DLG2: variants seen among roughly 807,000 people sequenced by gnomAD.
DLG2 encodes the protein discs large MAGUK scaffold protein 2, also known as disks large homolog 2.
Under a neutral mutation model 132.5 loss-of-function variants are expected in DLG2, and 45 were observed. The observed-to-expected ratio is 0.34, with a 90% CI of 0.27 to 0.44. The LOEUF is 0.44. Among genes scored for constraint, DLG2 ranks in the 20% least tolerant of loss-of-function variants. DLG2 has a pLI of 1.00. For synonymous variants in DLG2, 424 were observed against 419.6 expected (o/e 1.01, Z -0.13); for missense variants, 1,045 against 1,196.9 (o/e 0.87, Z 1.87).
intron 6 of DLG2, among the ~76,000 whole-genome samples, chr11:85,051,078 A>C (rs2062842176): frequency 6.6e-6 from 1 of 152,166 alleles, no homozygotes; most frequent in Non-Finnish European, 1.5e-5. Context: ...CATGCTTCTT[A>C]AACAGGGTAA....
intron 11 of DLG2, among the ~76,000 whole-genome samples, chr11:84,022,670 CT>C (rs2095428371): frequency 6.6e-6 from 1 of 152,060 alleles, no homozygotes; most frequent in South Asian, 2.1e-4. Flanking sequence ...AAGAACGGTT[CT>C]TTTTGAGATA....
At chr11:84,041,177 G>T (rs1170175718) in intron 11 of DLG2, among the ~76,000 whole-genome samples, 2 of 152,036 alleles carry the variant, frequency 1.3e-5, no homozygotes, top group African/African-American at 2.4e-5. Flanking sequence ...CTATATGGAT[G>T]CAATACAATT....
At chr11:84,688,685 T>G (rs905370050) in intron 6 of DLG2, among the ~76,000 whole-genome samples, 4 of 152,146 alleles carry the variant, frequency 2.6e-5, no homozygotes, top group African/African-American at 9.7e-5. Flanking sequence ...TAAATCTGGC[T>G]CTCTCTGCCT....
chr11:84,335,520 A>G (rs957975446), intron 7 of DLG2, among the ~76,000 whole-genome samples: 3 of 152,206 alleles, frequency 2.0e-5, no homozygotes, highest in African/African-American at 7.2e-5. Flanking sequence ...AACTGAGGTG[A>G]CCCTTGTAAA....
At chr11:83,813,793 A>G (rs542170075) in intron 17 of DLG2, among the ~76,000 whole-genome samples, 30 of 152,256 alleles carry the variant, frequency 2.0e-4, no homozygotes, top group Non-Finnish European at 2.1e-4. Context: ...CAACAACAAC[A>G]AAAATAACAG....
intron 3 of DLG2, among the ~76,000 whole-genome samples, chr11:85,519,383 G>T (rs1391339219): frequency 6.6e-6 from 1 of 152,164 alleles, no homozygotes; most frequent in Non-Finnish European, 1.5e-5. Context: ...AGTCAAAGGG[G>T]ATCATTTTGG....
At chr11:83,712,325 A>G (rs975847925) in intron 18 of DLG2, among the ~76,000 whole-genome samples, 35 of 152,292 alleles carry the variant, frequency 2.3e-4, no homozygotes, top group Middle Eastern at 3.4e-3. Flanking sequence ...AATACCATGC[A>G]GTCATAAAAA....
intron 6 of DLG2, among the ~76,000 whole-genome samples, chr11:84,910,773 A>C (rs1321362176): frequency 6.6e-6 from 1 of 151,486 alleles, no homozygotes; most frequent in Non-Finnish European, 1.5e-5. Context: ...AACAACAACA[A>C]CAACAACAAC....
At chr11:84,337,449 CA>C (rs1247950159) in intron 7 of DLG2, among the ~76,000 whole-genome samples, 1 of 152,068 alleles carries the variant, frequency 6.6e-6, no homozygotes, top group African/African-American at 2.4e-5. Context: ...TTAGAGATGA[CA>C]ATTTTTAATA....
intron 3 of DLG2, among the ~76,000 whole-genome samples, chr11:85,342,661 G>A (rs1483324226): frequency 6.6e-6 from 1 of 152,128 alleles, no homozygotes; most frequent in Non-Finnish European, 1.5e-5. Flanking sequence ...GTGCATAATT[G>A]TATGTGCTAG....
chr11:84,957,482 A>G (rs1421026835), intron 6 of DLG2, among the ~76,000 whole-genome samples: 1 of 152,162 alleles, frequency 6.6e-6, no homozygotes, highest in Non-Finnish European at 1.5e-5. Flanking sequence ...CACCTCACAT[A>G]TCTTTACTCT....
chr11:83,658,705 A>G (rs1373627269), intron 18 of DLG2, among the ~76,000 whole-genome samples: 1 of 152,254 alleles, frequency 6.6e-6, no homozygotes, highest in Non-Finnish European at 1.5e-5. Flanking sequence ...ACTTGGAAAA[A>G]TAGCTTATCT....
intron 4 of DLG2, among the ~76,000 whole-genome samples, chr11:85,233,144 T>C (rs1006184940): frequency 1.3e-5 from 2 of 151,952 alleles, no homozygotes; most frequent in Non-Finnish European, 2.9e-5. Context: ...GCATGGGAAT[T>C]CCTTTTGTTC....
intron 8 of DLG2, among the ~76,000 whole-genome samples, chr11:84,190,088 C>T (rs1297063396): frequency 2.0e-5 from 3 of 150,992 alleles, no homozygotes; most frequent in Non-Finnish European, 4.4e-5. Context: ...CCATAGAAGA[C>T]ACATATAGCC....
At chr11:84,313,683 AAGAAAAAG>A (rs1179954205) in intron 7 of DLG2, among the ~76,000 whole-genome samples, 2 of 150,950 alleles carry the variant, frequency 1.3e-5, no homozygotes, top group African/African-American at 4.9e-5. Flanking sequence ...GAAAGAAAGA[AAGAAAAAG>A]AAAGAGGATA....
chr11:85,300,101 G>A (rs1287771021), intron 3 of DLG2, among the ~76,000 whole-genome samples: 1 of 152,092 alleles, frequency 6.6e-6, no homozygotes, highest in African/African-American at 2.4e-5. Context: ...ATAGAGCAGT[G>A]AATAAGACAG....
At chr11:85,205,098 A>G (rs1392769508) in intron 4 of DLG2, among the ~76,000 whole-genome samples, 1 of 150,422 alleles carries the variant, frequency 6.6e-6, no homozygotes, top group Non-Finnish European at 1.5e-5. Context: ...AATGTCCATC[A>G]GTGAATTAAT....
intron 16 of DLG2, among the ~76,000 whole-genome samples, chr11:83,864,310 C>A (rs1240310168): frequency 2.0e-5 from 3 of 152,182 alleles, no homozygotes; most frequent in Non-Finnish European, 4.4e-5. Flanking sequence ...TTCTGTCACC[C>A]TATTAGTCTG....
At chr11:85,334,178 G>A (rs1014123595) in intron 3 of DLG2, among the ~76,000 whole-genome samples, 3 of 152,026 alleles carry the variant, frequency 2.0e-5, no homozygotes, top group Middle Eastern at 3.2e-3. Flanking sequence ...ATGGTTCTAG[G>A]AGTTTATCCA....
Sources: allele counts gnomAD v4.1 joint callset (sites outside exome capture counted in the v4.1 genomes callset), GRCh38; gene constraint gnomAD v4.1.1; transcripts MANE v1.5; gene names NCBI Gene and HGNC (gene_info 2026-07-23, HGNC 2026-07-21).